The following PDZRN3 variants were observed in gnomAD, a reference collection of about 807,000 sequenced individuals.
PDZRN3 encodes PDZ domain containing ring finger 3, also known as E3 ubiquitin-protein ligase PDZRN3.
Under a neutral mutation model 85.7 loss-of-function variants are expected in PDZRN3, and 38 were observed. That is an observed-to-expected ratio of 0.44 (90% CI 0.34 to 0.58). The LOEUF (loss-of-function observed/expected upper bound fraction) is 0.58. Among genes scored for constraint, PDZRN3 ranks in the 20% least tolerant of loss-of-function variants. The pLI is 0.01. For synonymous variants in PDZRN3, 759 were observed against 638.0 expected (o/e 1.19, Z -2.86); for missense variants, 1,629 against 1,506.4 (o/e 1.08, Z -1.35).
At chr3:73,453,563 T>C (rs1410278101) in intron 3 of PDZRN3, among the ~76,000 whole-genome samples, 1 of 151,634 alleles carries the variant, frequency 6.6e-6, no homozygotes, top group Non-Finnish European at 1.5e-5. Context: ...ATAATTTCAA[T>C]ATATAGATAT....
At position 73,421,535 on chromosome 3, in the gene PDZRN3, T is replaced by C. The variant is rs931391562; in HGVS notation, c.919-17140A>G. Among the ~76,000 whole-genome samples the C allele has an allele frequency of 2.6e-5, 4 of 152,200 alleles. No individual in the cohort carries two copies. The South Asian group carries it at 8.3e-4, about 31-fold the overall frequency. ...AAGACAATCAGGTGGTTCTAGACTGTGGTAACTTGCAAATGGAATCCTTCT... is the reference window on the plus strand; with the variant it reads ...AAGACAATCAGGTGGTTCTAGACTGCGGTAACTTGCAAATGGAATCCTTCT... On this transcript the variant is annotated intron_variant, in intron 3 of 9. Coordinates refer to ENST00000263666, the MANE Select transcript of PDZRN3 (RefSeq NM_015009.3).
At chr3:73,427,190 A>G (rs1008623114) in intron 3 of PDZRN3, among the ~76,000 whole-genome samples, 4 of 152,208 alleles carry the variant, frequency 2.6e-5, no homozygotes, top group African/African-American at 9.7e-5. Flanking sequence ...GGCAGGACAC[A>G]TTCATTCCTG....
chr3:73,424,033 C>G (rs1184843044), intron 3 of PDZRN3, among the ~76,000 whole-genome samples: 1 of 152,010 alleles, frequency 6.6e-6, no homozygotes, highest in African/African-American at 2.4e-5. Flanking sequence ...TGAAGTTGGA[C>G]TCTAACATCT....
chr3:73,411,797 TTA>T (rs1476175237), intron 3 of PDZRN3, among the ~76,000 whole-genome samples: 4 of 152,222 alleles, frequency 2.6e-5, no homozygotes, highest in Non-Finnish European at 5.9e-5. Flanking sequence ...GCTCACCTTT[TTA>T]TATATGAGTG....
At chr3:73,439,327 T>C (rs1203273999) in intron 3 of PDZRN3, among the ~76,000 whole-genome samples, 2 of 152,218 alleles carry the variant, frequency 1.3e-5, no homozygotes, top group African/African-American at 2.4e-5. Context: ...AACAAAGAAG[T>C]TGGCTCTCAC....
chr3:73,465,132 A>G (rs908582622), intron 3 of PDZRN3, among the ~76,000 whole-genome samples: 8 of 152,200 alleles, frequency 5.3e-5, no homozygotes, highest in Non-Finnish European at 1.0e-4. Context: ...GGTATGCACC[A>G]TCTCTTTCCC....
intron 3 of PDZRN3, among the ~76,000 whole-genome samples, chr3:73,593,606 T>C (rs1037840240): frequency 6.6e-6 from 1 of 152,028 alleles, no homozygotes; most frequent in Non-Finnish European, 1.5e-5. Flanking sequence ...AAGTGACTTT[T>C]AAAAGGAAAT....
At chr3:73,406,564 T>A (rs34365320) in intron 3 of PDZRN3, among the ~76,000 whole-genome samples, 9,046 of 152,278 alleles carry the variant, frequency 0.059, 314 homozygotes, top group Non-Finnish European at 0.08. Context: ...TACCACCCAG[T>A]CACGCTGGTC....
chr3:73,606,358 T>C (rs1368651071), intron 2 of PDZRN3, among the ~76,000 whole-genome samples: 3 of 152,224 alleles, frequency 2.0e-5, no homozygotes, highest in Non-Finnish European at 4.4e-5. Flanking sequence ...GAACATGGGC[T>C]CATGTTCTGA....
intron 8 of PDZRN3, among the ~76,000 whole-genome samples, chr3:73,386,226 CTTTTTTTTT>C (rs71126867): frequency 2.2e-5 from 2 of 90,730 alleles, no homozygotes; most frequent in Non-Finnish European, 4.1e-5. Flanking sequence ...CAAGATATCA[CTTTTTTTTT>C]TTTTTTTTTT....
chr3:73,619,159 C>G (rs956096785), intron 1 of PDZRN3, among the ~76,000 whole-genome samples: 1 of 152,134 alleles, frequency 6.6e-6, no homozygotes, highest in Non-Finnish European at 1.5e-5. Context: ...TGGGTCATCA[C>G]GGAGAAACTC....
intron 1 of PDZRN3, among the ~76,000 whole-genome samples, chr3:73,609,478 T>C (rs781474665): frequency 1.1e-4 from 16 of 152,194 alleles, no homozygotes; most frequent in East Asian, 1.9e-4. Flanking sequence ...TTTAACCTTA[T>C]GTGAAAACTG....
At chr3:73,583,387 A>G (rs1462947617) in intron 3 of PDZRN3, among the ~76,000 whole-genome samples, 1 of 152,218 alleles carries the variant, frequency 6.6e-6, no homozygotes, top group Admixed American at 6.5e-5. Flanking sequence ...TGGATCATGT[A>G]GTAACAGATT....
rs71126867 is a variant in PDZRN3, at chr3:73,386,226, C to CTTTTTTTTTTTTTTTTTTTT, written c.1519-442_1519-441insAAAAAAAAAAAAAAAAAAAA. Among the ~76,000 whole-genome samples, 10 of 90,708 alleles carry CTTTTTTTTTTTTTTTTTTTT rather than the reference C, an allele frequency of 1.1e-4. 1 individual carries two copies. The highest frequency in any genetic ancestry group is 3.0e-4 in the Admixed American group (2 of 6,648). 59.5% of individuals were successfully genotyped at this position (90,708 alleles called of 152,430 possible). ...GCTGTTTGGCTTGGGCAAGATATCACTTTTTTTTTTTTTTTTTTTGAGACA... is the reference window on the plus strand; with the variant it reads ...GCTGTTTGGCTTGGGCAAGATATCACTTTTTTTTTTTTTTTTTTTTTTTTTTTTTTTTTTTTTTTGAGACA... On this transcript the variant is annotated intron_variant, in intron 8 of 9. Transcript: ENST00000263666.
intron 3 of PDZRN3, among the ~76,000 whole-genome samples, chr3:73,425,281 G>A (rs1482075739): frequency 6.6e-6 from 1 of 152,040 alleles, no homozygotes; most frequent in Non-Finnish European, 1.5e-5. Context: ...GCCTCCCAAA[G>A]TGCTGGGATT....
At chr3:73,435,817 G>A (rs900739189) in intron 3 of PDZRN3, among the ~76,000 whole-genome samples, 3 of 152,150 alleles carry the variant, frequency 2.0e-5, no homozygotes, top group Non-Finnish European at 4.4e-5. Flanking sequence ...AGCAGAAAGG[G>A]ATGACTCCAC....
Position 73,384,691 on chromosome 3 carries a change from G to T in PDZRN3, c.1875C>A (p.Phe625Leu), listed in dbSNP as rs573137126. Reference sequence around the variant, plus strand: ...CGGCGTCCGTGCAGTCGGCCGAAATGAAAGACTCGTTGCTGAAGGGCAGGT... The same window carrying T: ...CGGCGTCCGTGCAGTCGGCCGAAATTAAAGACTCGTTGCTGAAGGGCAGGT... The part of the protein sequence containing the change: ...SGDLPFSNES[F>L]ISADCTDADY... The change falls in exon 10 of 10, where the codon TTC becomes TTA. Residue 625 changes from phenylalanine (F) to leucine (L), a missense_variant. Phe to Leu is a conservative substitution (Grantham distance 22). Coordinates refer to ENST00000263666, the MANE Select transcript of PDZRN3 (RefSeq NM_015009.3). The T allele has an allele frequency of 2.6e-5, 42 of 1,613,930 alleles. No homozygotes were observed. The highest frequency in any genetic ancestry group is 8.8e-5 in the South Asian group (8 of 91,082).
At chr3:73,441,473 C>T (rs1702634934) in intron 3 of PDZRN3, among the ~76,000 whole-genome samples, 1 of 148,984 alleles carries the variant, frequency 6.7e-6, no homozygotes, top group African/African-American at 2.5e-5. Flanking sequence ...CCAAACGAGG[C>T]TGTGTGCTGG....
chr3:73,576,767 T>C (rs754206755), intron 3 of PDZRN3, among the ~76,000 whole-genome samples: 7 of 152,206 alleles, frequency 4.6e-5, no homozygotes, highest in Non-Finnish European at 2.9e-5. Flanking sequence ...AGTGGGACTT[T>C]ACAGAACTGT....
Sources: allele counts gnomAD v4.1 joint callset (sites outside exome capture counted in the v4.1 genomes callset), GRCh38; gene constraint gnomAD v4.1.1; transcripts MANE v1.5; gene names NCBI Gene and HGNC (gene_info 2026-07-23, HGNC 2026-07-21).